Variants in PDE4D observed in about 807,000 individuals in gnomAD.
PDE4D encodes 3',5'-cyclic-AMP phosphodiesterase 4D.
PDE4D carries 24 observed loss-of-function variants against 87.4 expected under a neutral mutation model. The ratio of observed to expected loss-of-function variants is 0.27; its 90% CI spans 0.20 to 0.39. PDE4D has a LOEUF of 0.39. PDE4D is among the 10% of genes least tolerant of loss of function. The pLI is 1.00. For missense variants in PDE4D, 714 were observed against 1,041.0 expected (o/e 0.69, Z 4.32); for synonymous variants, 384 against 383.2 (o/e 1.00, Z -0.02).
At chr5:59,139,842 G>A (rs1238333506) in intron 5 of PDE4D, among the ~76,000 whole-genome samples, 1 of 152,056 alleles carries the variant, frequency 6.6e-6, no homozygotes, top group African/African-American at 2.4e-5. Context: ...GTGTGGAGGA[G>A]GAGGAACTGA....
intron 1 of PDE4D, among the ~76,000 whole-genome samples, chr5:59,776,661 G>T (rs1015886717): frequency 6.6e-6 from 1 of 152,064 alleles, no homozygotes; most frequent in Non-Finnish European, 1.5e-5. Flanking sequence ...TTTAATATTT[G>T]AAATCAAAGC....
intron 1 of PDE4D, among the ~76,000 whole-genome samples, chr5:59,446,428 C>T (rs1327127193): frequency 6.6e-6 from 1 of 152,170 alleles, no homozygotes; most frequent in African/African-American, 2.4e-5. Flanking sequence ...TTACAGGGCA[C>T]TTCCAGTGTG....
chr5:59,704,634 T>C (rs1351752639), intron 1 of PDE4D, among the ~76,000 whole-genome samples: 1 of 152,214 alleles, frequency 6.6e-6, no homozygotes, highest in Admixed American at 6.5e-5. Context: ...AATTCCTGAA[T>C]CCAGTGAGAT....
At chr5:60,007,977 A>G (rs1212422076) in intron 2 of PDE4D, among the ~76,000 whole-genome samples, 3 of 152,134 alleles carry the variant, frequency 2.0e-5, no homozygotes, top group Non-Finnish European at 2.9e-5. Context: ...AGAGTGGCTG[A>G]GTACAAACAT....
chr5:59,053,927 A>T (rs777357376), intron 5 of PDE4D, among the ~76,000 whole-genome samples: 8 of 151,694 alleles, frequency 5.3e-5, no homozygotes, highest in Middle Eastern at 3.2e-3. Context: ...AAAGAAAAAA[A>T]TTTTTTTCCA....
At chr5:60,158,977 T>C (rs1049400757) in intron 2 of PDE4D, among the ~76,000 whole-genome samples, 3 of 152,248 alleles carry the variant, frequency 2.0e-5, no homozygotes, top group African/African-American at 7.2e-5. Context: ...TTTTTGACTT[T>C]TTGTAATAAT....
chr5:59,843,143 T>C (rs1052023580), intron 1 of PDE4D, among the ~76,000 whole-genome samples: 1 of 152,052 alleles, frequency 6.6e-6, no homozygotes, highest in Non-Finnish European at 1.5e-5. Flanking sequence ...ATGTCTTTGA[T>C]GAGGCAACTA....
chr5:59,508,936 A>G (rs1314678322), intron 1 of PDE4D, among the ~76,000 whole-genome samples: 2 of 152,002 alleles, frequency 1.3e-5, no homozygotes, highest in African/African-American at 4.8e-5. Context: ...AGATAGGTGA[A>G]TGACAGAGTG....
chr5:59,039,327 C>G, intron 5 of PDE4D: 2 of 1,040,076 alleles, frequency 1.9e-6, no homozygotes, highest in Non-Finnish European at 2.3e-6. Context: ...GAGCCCGGCT[C>G]TAGCGGATGG....
rs565655236 is a variant in PDE4D, at chr5:59,124,138, TATA to T, written c.808+56454_808+56456del. 2.0e-3 allele frequency among the ~76,000 whole-genome samples: 305 copies of T among 152,312 alleles called. 1 individual carries two copies. The highest frequency in any genetic ancestry group is 7.0e-3 in the African/African-American group (289 of 41,556). On this transcript the variant is annotated intron_variant, in intron 5 of 14. Coordinates refer to ENST00000340635, the MANE Select transcript of PDE4D (RefSeq NM_001104631.2). ...TCTGCCCTGACAGGTATCTGTAAGT[TATA>T]ATGTTTTACTAGGTCTTCATTTCCT... is the stretch of plus-strand genomic sequence containing the variant.
chr5:59,156,543 A>G (rs1015634357), intron 5 of PDE4D, among the ~76,000 whole-genome samples: 1 of 151,656 alleles, frequency 6.6e-6, no homozygotes, highest in African/African-American at 2.4e-5. Flanking sequence ...GGGCTCTTGT[A>G]GTCATCTCAG....
intron 1 of PDE4D, among the ~76,000 whole-genome samples, chr5:59,808,352 C>T (rs1303957420): frequency 6.6e-6 from 1 of 152,152 alleles, no homozygotes. Flanking sequence ...ATTTTTGACC[C>T]AATATCTATT....
chr5:59,950,372 ATAT>A (rs1303028418), intron 3 of PDE4D, among the ~76,000 whole-genome samples: 2 of 152,116 alleles, frequency 1.3e-5, no homozygotes, highest in Non-Finnish European at 2.9e-5. Context: ...ATATAAACTC[ATAT>A]TAATAGAATT....
chr5:59,081,824 C>T lies in PDE4D; in HGVS notation c.809-42853G>A, dbSNP rs200814536. Among the ~76,000 whole-genome samples the T allele has an allele frequency of 2.0e-5, 3 of 152,142 alleles. No homozygotes were observed. The East Asian group carries it at 5.8e-4, about 29-fold the overall frequency. ...GTAGATTATATGGTTTGGCCATGCCCTAACCAAAATCTCATCTTGAATTGT... is the reference window on the plus strand; with the variant it reads ...GTAGATTATATGGTTTGGCCATGCCTTAACCAAAATCTCATCTTGAATTGT... On this transcript the variant is annotated intron_variant, in intron 5 of 14. Coordinates refer to ENST00000340635, the MANE Select transcript of PDE4D (RefSeq NM_001104631.2).
At chr5:60,351,340 G>C (rs950635738) in intron 1 of PDE4D, among the ~76,000 whole-genome samples, 1 of 152,032 alleles carries the variant, frequency 6.6e-6, no homozygotes, top group Non-Finnish European at 1.5e-5. Context: ...TTTCTGCTTG[G>C]CCAAATAGCC....
At chr5:59,793,383 T>A (rs1225551154) in intron 1 of PDE4D, among the ~76,000 whole-genome samples, 2 of 152,246 alleles carry the variant, frequency 1.3e-5, no homozygotes, top group Admixed American at 6.5e-5. Context: ...AATAATTGTT[T>A]AGTTAATAAA....
At chr5:60,193,921 T>C (rs2149527502) in intron 1 of PDE4D, among the ~76,000 whole-genome samples, 1 of 151,468 alleles carries the variant, frequency 6.6e-6, no homozygotes. Context: ...TCCCGCTGTC[T>C]GAGAGGATGA....
intron 1 of PDE4D, among the ~76,000 whole-genome samples, chr5:59,471,403 A>T (rs1019966308): frequency 2.0e-5 from 3 of 152,258 alleles, no homozygotes; most frequent in African/African-American, 7.2e-5. Context: ...CAAAAAAGCT[A>T]ACAGTGCTGG....
chr5:60,022,160 T>C (rs150813425), intron 2 of PDE4D, among the ~76,000 whole-genome samples: 222 of 140,176 alleles, frequency 1.6e-3, no homozygotes, highest in Middle Eastern at 3.7e-3. Context: ...AGAGTCTGGA[T>C]AGGACAGTTT....
Sources: allele counts gnomAD v4.1 joint callset (sites outside exome capture counted in the v4.1 genomes callset), GRCh38; gene constraint gnomAD v4.1.1; transcripts MANE v1.5; gene names NCBI Gene and HGNC (gene_info 2026-07-23, HGNC 2026-07-21).